Variants in STS observed in about 807,000 individuals in gnomAD.
The protein encoded by STS is steryl-sulfatase.
A neutral mutation model predicts 26.8 loss-of-function variants in STS; 7 were observed. The observed-to-expected ratio is 0.26, with a 90% CI of 0.15 to 0.49. The LOEUF (loss-of-function observed/expected upper bound fraction) is 0.49, where lower values mean the gene tolerates loss of function less well. STS is among the 20% of genes least tolerant of loss of function. STS has a pLI of 0.98. For missense variants in STS, 434 were observed against 465.6 expected (o/e 0.93, Z 0.63); for synonymous variants, 199 against 189.4 (o/e 1.05, Z -0.42).
At chrX:7,342,322 G>A (rs1569232692) in intron 10 of STS, among the ~76,000 whole-genome samples, 2 of 111,800 alleles carry the variant, frequency 1.8e-5, no homozygotes, top group East Asian at 5.6e-4. Flanking sequence ...GTGCATGGAG[G>A]AGAACACAGC....
intron 6 of STS, among the ~76,000 whole-genome samples, chrX:7,260,415 G>A (rs770617986): frequency 9.0e-6 from 1 of 111,102 alleles, no homozygotes; most frequent in Non-Finnish European, 1.9e-5. Context: ...TTGTTTGTTT[G>A]TTTGTTTGAG....
intron 2 of STS, among the ~76,000 whole-genome samples, chrX:7,232,067 A>G (rs1922086491): frequency 1.8e-5 from 2 of 111,601 alleles, no homozygotes; most frequent in Admixed American, 1.9e-4. Flanking sequence ...GGGTTGTTCT[A>G]TTAGGGTGCT....
chrX:7,248,172 T>C (rs1348263601), intron 2 of STS, among the ~76,000 whole-genome samples: 1 of 112,311 alleles, frequency 8.9e-6, no homozygotes. Context: ...CTTTGCAAAC[T>C]GTCAATTCAG....
chrX:7,225,012 A>G (rs1480669600), intron 2 of STS, among the ~76,000 whole-genome samples: 2 of 112,288 alleles, frequency 1.8e-5, no homozygotes, highest in Non-Finnish European at 3.8e-5. Context: ...GCTAAGGTGT[A>G]AGAACAGCTG....
intron 1 of STS, among the ~76,000 whole-genome samples, chrX:7,165,810 A>G (rs996243672): frequency 4.5e-5 from 5 of 111,480 alleles, no homozygotes; most frequent in African/African-American, 1.3e-4. Context: ...CTGGATGACA[A>G]TAGCACTGTC....
At chrX:7,160,438 A>G (rs1348549161) in intron 1 of STS, among the ~76,000 whole-genome samples, 3 of 112,645 alleles carry the variant, frequency 2.7e-5, no homozygotes, top group Non-Finnish European at 3.7e-5. Context: ...AAGGAGAAGA[A>G]AGTAATTGCC....
intron 9 of STS, among the ~76,000 whole-genome samples, chrX:7,327,376 C>CT (rs759561492): frequency 0.12 from 12,118 of 99,725 alleles, 829 homozygotes; most frequent in Non-Finnish European, 0.17. Context: ...AATTCATATT[C>CT]TTTTTTTTTT....
At chrX:7,225,200 G>A (rs1405515647) in intron 2 of STS, among the ~76,000 whole-genome samples, 3 of 111,399 alleles carry the variant, frequency 2.7e-5, no homozygotes, top group Non-Finnish European at 5.6e-5. Context: ...AATGTAGCTC[G>A]GATTCAATAA....
chrX:7,195,750 C>T (rs747244323), intron 2 of STS, among the ~76,000 whole-genome samples: 12 of 112,115 alleles, frequency 1.1e-4, no homozygotes, highest in African/African-American at 3.2e-4. Flanking sequence ...TTCAGCCCTG[C>T]GGTGGGAATT....
chrX:7,251,546 A>G (rs1923141351), intron 2 of STS, among the ~76,000 whole-genome samples: 1 of 111,631 alleles, frequency 9.0e-6, no homozygotes, highest in Non-Finnish European at 1.9e-5. Flanking sequence ...TCCCAGATAC[A>G]CGGCAATGAG....
At chrX:7,268,704 A>T (rs1181468540) in intron 6 of STS, among the ~76,000 whole-genome samples, 2 of 111,680 alleles carry the variant, frequency 1.8e-5, no homozygotes, top group African/African-American at 6.5e-5. Context: ...TTGTGGGCCT[A>T]TGGGATATGT....
At chrX:7,254,621 G>A (rs1444777522) in intron 3 of STS, among the ~76,000 whole-genome samples, 3 of 81,094 alleles carry the variant, frequency 3.7e-5, no homozygotes, top group East Asian at 3.6e-4. Flanking sequence ...TCACTCTGTC[G>A]CCCAGCCTGG....
At chrX:7,208,093 G>A (rs749002246) in intron 2 of STS, among the ~76,000 whole-genome samples, 4 of 112,253 alleles carry the variant, frequency 3.6e-5, no homozygotes, top group South Asian at 3.7e-4. Context: ...CTTCACATAC[G>A]GTGATACAAA....
At chrX:7,231,039 C>G (rs1329444638) in intron 2 of STS, among the ~76,000 whole-genome samples, 1 of 111,772 alleles carries the variant, frequency 8.9e-6, no homozygotes, top group Non-Finnish European at 1.9e-5. Context: ...GAATTGAAAA[C>G]AGGTGTGAAT....
chrX:7,202,211 G>T (rs1421237266), intron 2 of STS, among the ~76,000 whole-genome samples: 1 of 111,037 alleles, frequency 9.0e-6, no homozygotes, highest in African/African-American at 3.3e-5. Context: ...ATAACATAAG[G>T]TATATTGACT....
intron 10 of STS, among the ~76,000 whole-genome samples, chrX:7,336,936 C>T (rs977973531): frequency 1.8e-5 from 2 of 111,489 alleles, no homozygotes; most frequent in Non-Finnish European, 3.8e-5. Context: ...GTGAGAAAAA[C>T]AAGACCCAGT....
intron 2 of STS, among the ~76,000 whole-genome samples, chrX:7,222,017 T>C (rs1261713218): frequency 9.0e-6 from 1 of 111,213 alleles, no homozygotes; most frequent in Admixed American, 9.6e-5. Flanking sequence ...TAGTTTCCCA[T>C]AGTGATTATA....
chrX:7,164,390 C>T (rs1248681444), intron 1 of STS, among the ~76,000 whole-genome samples: 5 of 111,523 alleles, frequency 4.5e-5, no homozygotes, highest in Non-Finnish European at 9.4e-5. Flanking sequence ...TCATCATGTG[C>T]TTCTGTGTGT....
chrX:7,325,794 T>G (rs1927420277), intron 9 of STS, among the ~76,000 whole-genome samples: 1 of 112,230 alleles, frequency 8.9e-6, no homozygotes, highest in African/African-American at 3.2e-5. Flanking sequence ...GGGAAAGGTC[T>G]GACCTCATGC....
Sources: gnomAD v4.1 joint callset for allele counts (sites outside exome capture counted in the v4.1 genomes callset) on GRCh38, gnomAD v4.1.1 for gene constraint, MANE v1.5 for transcripts, NCBI Gene and HGNC (gene_info 2026-07-23, HGNC 2026-07-21) for gene names.